The following SULT2B1 variants were observed in gnomAD, a reference collection of about 807,000 sequenced individuals.
The protein encoded by SULT2B1 is sulfotransferase family 2B member 1, also known as sulfotransferase 2B1.
Under a neutral mutation model 33.2 loss-of-function variants are expected in SULT2B1, and 16 were observed. The observed-to-expected ratio is 0.48, with a 90% CI of 0.33 to 0.73. The LOEUF (loss-of-function observed/expected upper bound fraction) is 0.73, where lower values mean the gene tolerates loss of function less well. Among genes scored for constraint, SULT2B1 ranks in the 30% least tolerant of loss-of-function variants. The pLI is 0.02. For missense variants in SULT2B1, 500 were observed against 506.0 expected, an observed-to-expected ratio of 0.99 and a Z score of 0.11; for synonymous variants, 186 against 200.5, an observed-to-expected ratio of 0.93 and a Z score of 0.61.
intron 1 of SULT2B1, among the ~76,000 whole-genome samples, chr19:48,554,146 TG>T (rs543527730): frequency 1.3e-5 from 2 of 151,882 alleles, no homozygotes; most frequent in South Asian, 2.1e-4. Context: ...TGCAGAGCCC[TG>T]GGGGGGTGCC....
chr19:48,581,784 G>T (rs1973492181), intron 2 of SULT2B1, among the ~76,000 whole-genome samples: 1 of 151,406 alleles, frequency 6.6e-6, no homozygotes, highest in Admixed American at 6.6e-5. Flanking sequence ...TGTGAGTACA[G>T]ATCCTTGATC....
chr19:48,579,264 C>T (rs912856400), intron 2 of SULT2B1, among the ~76,000 whole-genome samples: 61 of 151,298 alleles, frequency 4.0e-4, no homozygotes, highest in African/African-American at 1.3e-3. Context: ...GAAGCTGCTA[C>T]GAACATTGCA....
chr19:48,569,583 T>G (rs1407993580), intron 1 of SULT2B1, among the ~76,000 whole-genome samples: 2 of 151,516 alleles, frequency 1.3e-5, no homozygotes, highest in Non-Finnish European at 2.9e-5. Context: ...AGGCTGGTCT[T>G]GAACTCCTGG....
At chr19:48,554,717 A>G (rs279446) in intron 1 of SULT2B1, among the ~76,000 whole-genome samples, 129,254 of 129,260 alleles carry the variant, frequency 1, 64,624 homozygotes, top group Middle Eastern at 1. Context: ...AGGCTGGAGC[A>G]CAGTGGAACG....
chr19:48,566,322 T>C (rs1014564800), intron 1 of SULT2B1, among the ~76,000 whole-genome samples: 1 of 152,016 alleles, frequency 6.6e-6, no homozygotes, highest in Non-Finnish European at 1.5e-5. Context: ...TTGCTTCCCA[T>C]TTTGGGAGGA....
rs761051297 is a variant in SULT2B1, at chr19:48,591,692, G to A, written c.507G>A (p.Pro169=). ...AGATCGCCGGGCAGTTAAAGGACCC[G>A]GGCACACCCGACCAGTTCCTGAGGG... The part of the protein sequence containing the change: ...YSKIAGQLKD[P]GTPDQFLRDF... Residue 169 remains proline (P), a synonymous_variant, in exon 4 of 7, where the codon CCG becomes CCA. Transcript: ENST00000201586. 9.3e-6 allele frequency: 15 copies of A among 1,612,064 alleles called. No individual in the cohort carries two copies. Among genetic ancestry groups the A allele is most frequent in the South Asian group, 5.5e-5 (5 of 90,764 alleles).
intron 2 of SULT2B1, among the ~76,000 whole-genome samples, chr19:48,586,604 T>C (rs1973564735): frequency 6.6e-6 from 1 of 152,176 alleles, no homozygotes; most frequent in Non-Finnish European, 1.5e-5. Context: ...GAAAAGGTCA[T>C]CACGCCATAT....
intron 1 of SULT2B1, among the ~76,000 whole-genome samples, chr19:48,567,567 C>T (rs1245630204): frequency 6.6e-6 from 1 of 151,974 alleles, no homozygotes; most frequent in East Asian, 1.9e-4. Context: ...AAAAAAAGAA[C>T]ACAGTGTTAC....
At chr19:48,577,682 G>A (rs1171604799) in intron 2 of SULT2B1, among the ~76,000 whole-genome samples, 1 of 151,820 alleles carries the variant, frequency 6.6e-6, no homozygotes, top group Non-Finnish European at 1.5e-5. Flanking sequence ...ATGACCAAAG[G>A]GAAATAACAA....
At chr19:48,585,198 C>T (rs929082567) in intron 2 of SULT2B1, among the ~76,000 whole-genome samples, 4 of 151,948 alleles carry the variant, frequency 2.6e-5, no homozygotes, top group African/African-American at 4.8e-5. Context: ...GGTCACAGAG[C>T]GGAATCCTGT....
At chr19:48,589,694 G>A (rs1007651707) in intron 3 of SULT2B1, among the ~76,000 whole-genome samples, 14 of 152,210 alleles carry the variant, frequency 9.2e-5, no homozygotes, top group African/African-American at 3.1e-4. Context: ...GGGCGCGGTG[G>A]CTCACGCCTG....
chr19:48,590,267 G>A (rs902000633), intron 3 of SULT2B1, among the ~76,000 whole-genome samples: 4 of 152,082 alleles, frequency 2.6e-5, no homozygotes, highest in Non-Finnish European at 5.9e-5. Context: ...GGGATTACAG[G>A]TGTGAGCCAC....
At chr19:48,583,120 C>T (rs1271743836) in intron 2 of SULT2B1, among the ~76,000 whole-genome samples, 1 of 149,826 alleles carries the variant, frequency 6.7e-6, no homozygotes, top group Non-Finnish European at 1.5e-5. Context: ...CATTGCACTC[C>T]AGCCTAGGCA....
chr19:48,574,197 G>T (rs556840093), intron 1 of SULT2B1, among the ~76,000 whole-genome samples: 1 of 152,118 alleles, frequency 6.6e-6, no homozygotes, highest in Non-Finnish European at 1.5e-5. Context: ...AGCACCCAAG[G>T]CTGAGAACTG....
At chr19:48,586,876 C>T (rs1232389727) in intron 2 of SULT2B1, among the ~76,000 whole-genome samples, 10 of 151,908 alleles carry the variant, frequency 6.6e-5, no homozygotes, top group East Asian at 5.8e-4. Context: ...TTTGGGAGGC[C>T]GAGGTGGGCA....
chr19:48,592,783 C>G lies in SULT2B1; in HGVS notation c.612C>G (p.Asn204Lys). The change falls in exon 5 of 7, where the codon AAC becomes AAG. Residue 204 changes from asparagine (N) to lysine (K), a missense_variant. Physicochemically the swap from Asn to Lys is moderately conservative, Grantham distance 94 (BLOSUM62 0). Coordinates refer to ENST00000201586, the MANE Select transcript of SULT2B1 (RefSeq NM_177973.2). ...GGCTTCGGATGAAGGGCAAAGACAA[C>G]TTCCTATTTATCACCTACGAGGAGC... ...KGWLRMKGKD[N>K]FLFITYEELQ... 6.3e-7 allele frequency: 1 copy of G among 1,590,548 alleles called. No homozygotes were observed. Among genetic ancestry groups the G allele is most frequent in the South Asian group, 1.1e-5 (1 of 87,458 alleles).
chr19:48,574,058 C>T (rs983473799), intron 1 of SULT2B1, among the ~76,000 whole-genome samples: 3 of 152,096 alleles, frequency 2.0e-5, no homozygotes, highest in African/African-American at 7.2e-5. Context: ...ACAGTGTTCT[C>T]GCTATGTTGC....
rs570857225 is a variant in SULT2B1 at position 48,589,974 on chromosome 19, TTTTC to T, written c.424-1627_424-1624del. ...AGACCTTGTTTCTTTTCTTTTTTCTTTTTCTTTCTTTTTTCTTTTTTTGAGACAG... is the reference window on the plus strand; with the variant it reads ...AGACCTTGTTTCTTTTCTTTTTTCTTTTTCTTTTTTCTTTTTTTGAGACAG... On this transcript the variant is annotated intron_variant, in intron 3 of 6. Coordinates refer to ENST00000201586, the MANE Select transcript of SULT2B1 (RefSeq NM_177973.2). 4.2e-3 allele frequency among the ~76,000 whole-genome samples: 641 copies of T among 152,056 alleles called. 5 individuals carry two copies. The highest frequency in any genetic ancestry group is 0.015 in the African/African-American group (606 of 41,498).
At chr19:48,582,714 G>A (rs573168305) in intron 2 of SULT2B1, among the ~76,000 whole-genome samples, 2 of 152,008 alleles carry the variant, frequency 1.3e-5, no homozygotes, top group African/African-American at 4.8e-5. Flanking sequence ...ATGGTGGTGC[G>A]CGCCTGTGGT....
Sources: allele counts gnomAD v4.1 joint callset (sites outside exome capture counted in the v4.1 genomes callset), GRCh38; gene constraint gnomAD v4.1.1; transcripts MANE v1.5; gene names NCBI Gene and HGNC (gene_info 2026-07-23, HGNC 2026-07-21).